PSD3: variants seen among roughly 807,000 people sequenced by gnomAD.
PSD3 encodes the protein PH and SEC7 domain-containing protein 3.
In PSD3, 49 loss-of-function variants were observed where a neutral mutation model predicts 105.5. The observed-to-expected ratio is 0.46, with a 90% CI of 0.37 to 0.59. The LOEUF is 0.59. PSD3 is among the 20% of genes least tolerant of loss of function. The pLI, the probability that PSD3 is intolerant of heterozygous loss-of-function variation, is 0.00. For synonymous variants in PSD3, 557 were observed against 457.8 expected (o/e 1.22, Z -2.77); for missense variants, 1,561 against 1,263.8 (o/e 1.24, Z -3.57).
chr8:18,565,439 G>C (rs1429244730), intron 14 of PSD3, among the ~76,000 whole-genome samples: 1 of 152,192 alleles, frequency 6.6e-6, no homozygotes, highest in African/African-American at 2.4e-5. Flanking sequence ...GAGTTGTTCA[G>C]AAAGTACCAC....
At chr8:18,735,432 A>G (rs1003934978) in intron 9 of PSD3, among the ~76,000 whole-genome samples, 14 of 152,324 alleles carry the variant, frequency 9.2e-5, no homozygotes, top group Admixed American at 1.3e-4. Context: ...AAACGTACCC[A>G]AGTGGACACA....
intron 3 of PSD3, among the ~76,000 whole-genome samples, chr8:18,870,189 G>A (rs1361434213): frequency 2.6e-5 from 4 of 151,858 alleles, no homozygotes; most frequent in Non-Finnish European, 4.4e-5. Flanking sequence ...TCCTTACACC[G>A]AACAAAAAAA....
At chr8:18,602,618 T>C (rs1804516220) in intron 11 of PSD3, among the ~76,000 whole-genome samples, 1 of 152,118 alleles carries the variant, frequency 6.6e-6, no homozygotes, top group Admixed American at 6.6e-5. Context: ...TTAATCCATT[T>C]AACTCACACC....
chr8:18,596,877 G>A (rs569398173), intron 12 of PSD3, among the ~76,000 whole-genome samples: 1 of 152,220 alleles, frequency 6.6e-6, no homozygotes, highest in African/African-American at 2.4e-5. Context: ...GGCTTCACCA[G>A]TGAATTCTAC....
intron 1 of PSD3, among the ~76,000 whole-genome samples, chr8:18,946,176 A>G (rs528986786): frequency 2.6e-5 from 4 of 152,218 alleles, no homozygotes; most frequent in Non-Finnish European, 5.9e-5. Context: ...CTATAATTAA[A>G]AATTTTTTAT....
chr8:19,079,130 G>C (rs1474158859), intron 1 of PSD3, among the ~76,000 whole-genome samples: 3 of 151,980 alleles, frequency 2.0e-5, no homozygotes, highest in East Asian at 1.9e-4. Flanking sequence ...TTGAGGATGG[G>C]GTAAGGAGAG....
At chr8:18,617,805 C>A (rs1000116951) in intron 11 of PSD3, among the ~76,000 whole-genome samples, 2 of 152,124 alleles carry the variant, frequency 1.3e-5, no homozygotes, top group Non-Finnish European at 2.9e-5. Context: ...CACTAAGATA[C>A]CAATTTCAAC....
At chr8:18,736,978 T>C (rs1454852530) in intron 9 of PSD3, among the ~76,000 whole-genome samples, 2 of 152,218 alleles carry the variant, frequency 1.3e-5, no homozygotes, top group African/African-American at 2.4e-5. Context: ...GAGCCTGGAC[T>C]AGATGACATA....
At chr8:18,714,427 G>GA (rs80018511) in intron 9 of PSD3, among the ~76,000 whole-genome samples, 3,088 of 108,448 alleles carry the variant, frequency 0.028, 52 homozygotes, top group African/African-American at 0.066. Flanking sequence ...AAATTTACAA[G>GA]AAAAAAAAAA....
intron 9 of PSD3, among the ~76,000 whole-genome samples, chr8:18,760,302 A>G (rs1047217543): frequency 9.2e-5 from 14 of 152,156 alleles, no homozygotes; most frequent in African/African-American, 3.4e-4. Context: ...TTTTTCAAAC[A>G]AACAATATGA....
Position 18,872,530 on chromosome 8 carries a change from T to G in PSD3, c.334A>C (p.Lys112Gln). 1.2e-6 allele frequency: 2 copies of G among 1,614,124 alleles called. No homozygotes were observed. Among genetic ancestry groups the G allele is most frequent in the Non-Finnish European group, 1.7e-6 (2 of 1,180,006 alleles). The change falls in exon 3 of 16, where the codon AAA becomes CAA. Residue 112 changes from lysine (K) to glutamine (Q), a missense_variant. Physicochemically the swap from Lys to Gln is moderately conservative, Grantham distance 53. Transcript: ENST00000327040. ...TGAGAGGGGGCCTCTCTGACATCTT[T>G]TGGTCCTTCTGTAACACTGTCGAGC... Reference protein sequence around the residue: ...SGLDSVTEGPKDVREAPSQSH... With the variant: ...SGLDSVTEGPQDVREAPSQSH...
At chr8:19,010,251 A>G (rs183234969) in intron 1 of PSD3, among the ~76,000 whole-genome samples, 1 of 152,242 alleles carries the variant, frequency 6.6e-6, no homozygotes, top group African/African-American at 2.4e-5. Flanking sequence ...CACCGGTGTC[A>G]CCAAGAGAGA....
intron 4 of PSD3, among the ~76,000 whole-genome samples, chr8:18,824,945 T>TA (rs1412573253): frequency 1.3e-5 from 2 of 152,142 alleles, no homozygotes; most frequent in Non-Finnish European, 2.9e-5. Context: ...CAGTATTCTA[T>TA]AAAACCCTAG....
chr8:18,787,877 T>C (rs1255812057), intron 8 of PSD3, among the ~76,000 whole-genome samples: 1 of 152,212 alleles, frequency 6.6e-6, no homozygotes, highest in Non-Finnish European at 1.5e-5. Flanking sequence ...GTCCAAGCTC[T>C]AGCAGGTTTC....
intron 9 of PSD3, among the ~76,000 whole-genome samples, chr8:18,686,950 A>T (rs1319100727): frequency 6.6e-6 from 1 of 151,994 alleles, no homozygotes; most frequent in African/African-American, 2.4e-5. Flanking sequence ...CCTTCCTTAA[A>T]CAGCAGCCCA....
chr8:18,836,570 C>T (rs1254891723), intron 4 of PSD3, among the ~76,000 whole-genome samples: 1 of 152,112 alleles, frequency 6.6e-6, no homozygotes, highest in Non-Finnish European at 1.5e-5. Flanking sequence ...TGAATATATA[C>T]ATTTGTCCCG....
intron 4 of PSD3, among the ~76,000 whole-genome samples, chr8:18,837,659 G>A (rs762787210): frequency 6.6e-6 from 1 of 152,176 alleles, no homozygotes; most frequent in African/African-American, 2.4e-5. Context: ...AGTACTCTAG[G>A]CCAGGCATGG....
chr8:18,544,711 A>G (rs1223096079), intron 15 of PSD3, among the ~76,000 whole-genome samples: 1 of 152,202 alleles, frequency 6.6e-6, no homozygotes, highest in Non-Finnish European at 1.5e-5. Context: ...CAACACTAGC[A>G]CAGTCCAGGA....
At chr8:18,572,047 C>G (rs1802175209) in intron 14 of PSD3, among the ~76,000 whole-genome samples, 2 of 152,194 alleles carry the variant, frequency 1.3e-5, no homozygotes, top group African/African-American at 2.4e-5. Context: ...CTTGGAAAAT[C>G]CAAATGTTCC....
Sources: gnomAD v4.1 joint callset for allele counts (sites outside exome capture counted in the v4.1 genomes callset) on GRCh38, gnomAD v4.1.1 for gene constraint, MANE v1.5 for transcripts, NCBI Gene and HGNC (gene_info 2026-07-23, HGNC 2026-07-21) for gene names.